The following XPR1 variants were observed in gnomAD, a reference collection of about 807,000 sequenced individuals.
The protein encoded by XPR1 is solute carrier family 53 member 1.
XPR1 carries 28 observed loss-of-function variants against 87.5 expected under a neutral mutation model. The ratio of observed to expected loss-of-function variants is 0.32; its 90% confidence interval spans 0.24 to 0.44. The LOEUF is 0.44. Ranked by LOEUF, XPR1 falls within the 20% of genes least tolerant of loss-of-function variation. XPR1 has a pLI of 1.00. For synonymous variants in XPR1, 300 were observed against 306.1 expected (o/e 0.98, Z 0.21); for missense variants, 559 against 862.3 (o/e 0.65, Z 4.41).
chr1:180,640,893 A>G (rs1352793886), intron 1 of XPR1, among the ~76,000 whole-genome samples: 8 of 152,180 alleles, frequency 5.3e-5, no homozygotes, highest in Admixed American at 5.2e-4. Context: ...TTAGACTTGT[A>G]AGGAACTTTT....
At chr1:180,719,111 G>C (rs1445000136) in intron 2 of XPR1, among the ~76,000 whole-genome samples, 2 of 152,170 alleles carry the variant, frequency 1.3e-5, no homozygotes, top group Non-Finnish European at 2.9e-5. Context: ...AACAGATTTT[G>C]AATGATCTGC....
At chr1:180,737,500 A>G (rs1044483195) in intron 2 of XPR1, among the ~76,000 whole-genome samples, 1 of 152,178 alleles carries the variant, frequency 6.6e-6, no homozygotes, top group African/African-American at 2.4e-5. Flanking sequence ...CTTCTTGTAC[A>G]GTTTTATGAA....
chr1:180,707,645 A>G (rs965979770), intron 2 of XPR1, among the ~76,000 whole-genome samples: 39 of 152,210 alleles, frequency 2.6e-4, no homozygotes, highest in African/African-American at 9.4e-4. Context: ...GTGCTTCCTG[A>G]TTTTAGTTTT....
chr1:180,841,036 T>C (rs1168622026), intron 11 of XPR1, among the ~76,000 whole-genome samples: 1 of 152,192 alleles, frequency 6.6e-6, no homozygotes, highest in African/African-American at 2.4e-5. Flanking sequence ...AAGGCATTAA[T>C]TGGTTCTTAA....
At chr1:180,632,348 G>A in intron 1 of XPR1, 78 bp downstream of exon 1, 6 of 1,512,728 alleles carry the variant, frequency 4.0e-6, no homozygotes, top group Non-Finnish European at 5.4e-6. Flanking sequence ...GCCGCCTTCC[G>A]CTTCAGCTGG....
intron 1 of XPR1, among the ~76,000 whole-genome samples, chr1:180,669,271 C>T (rs186677422): frequency 6.6e-6 from 1 of 152,168 alleles, no homozygotes; most frequent in African/African-American, 2.4e-5. Context: ...ATTGAAGTCT[C>T]CAGCTATTAT....
At chr1:180,668,164 T>A (rs1326513674) in intron 1 of XPR1, among the ~76,000 whole-genome samples, 1 of 148,480 alleles carries the variant, frequency 6.7e-6, no homozygotes, top group Non-Finnish European at 1.5e-5. Flanking sequence ...AGTCTTGCTC[T>A]GTTGCCTAGG....
intron 2 of XPR1, among the ~76,000 whole-genome samples, chr1:180,685,699 C>T (rs1170823182): frequency 3.3e-5 from 5 of 152,128 alleles, no homozygotes; most frequent in African/African-American, 1.2e-4. Context: ...TCAACTTCTT[C>T]ATGGTTTAGT....
intron 4 of XPR1, among the ~76,000 whole-genome samples, chr1:180,804,903 AC>A (rs1649935149): frequency 6.6e-6 from 1 of 152,222 alleles, no homozygotes; most frequent in South Asian, 2.1e-4. Flanking sequence ...TAGCAACATT[AC>A]CATTTTATAG....
chr1:180,835,049 G>A lies in XPR1; in HGVS notation c.1306+4G>A, dbSNP rs377742389. ...CTGTTGCCAAATAATTCAGAAGGTA[G>A]GGTATGAATTTGCATCTATACTACT... On this transcript the variant is annotated splice_donor_region_variant and intron_variant, in intron 10 of 14. Coordinates refer to ENST00000367590, the MANE Select transcript of XPR1 (RefSeq NM_004736.4). 40 of 1,613,340 alleles carry A rather than the reference G, an allele frequency of 2.5e-5. No homozygotes were observed. The African/African-American group carries it at 2.9e-4, about 12-fold the overall frequency.
intron 2 of XPR1, among the ~76,000 whole-genome samples, chr1:180,711,845 A>G (rs368249068): frequency 6.6e-6 from 1 of 152,242 alleles, no homozygotes; most frequent in East Asian, 1.9e-4. Flanking sequence ...TAGGTTTTAC[A>G]TTTAGGTCTG....
At chr1:180,873,964 T>G in intron 13 of XPR1, 22 bp downstream of exon 13, 1 of 1,600,304 alleles carries the variant, frequency 6.2e-7, no homozygotes, top group East Asian at 2.2e-5. Flanking sequence ...ACTGAAAAGT[T>G]TATTAAAGAT....
intron 11 of XPR1, among the ~76,000 whole-genome samples, chr1:180,845,480 TG>T (rs1279921896): frequency 1.3e-5 from 2 of 152,214 alleles, no homozygotes; most frequent in African/African-American, 4.8e-5. Flanking sequence ...AGTCACACAG[TG>T]GACCTGCAAA....
intron 2 of XPR1, among the ~76,000 whole-genome samples, chr1:180,702,447 T>G (rs1017626090): frequency 1.3e-5 from 2 of 151,886 alleles, no homozygotes; most frequent in Non-Finnish European, 2.9e-5. Context: ...TAGATGTCTA[T>G]TAGGTCTGCT....
intron 2 of XPR1, among the ~76,000 whole-genome samples, chr1:180,736,666 G>C (rs1219335357): frequency 6.6e-6 from 1 of 152,090 alleles, no homozygotes; most frequent in Non-Finnish European, 1.5e-5. Flanking sequence ...TGTGTTAAGT[G>C]ACTTTATAAG....
Position 180,776,003 on chromosome 1 carries a change from C to T in XPR1, c.122-11750C>T, listed in dbSNP as rs71630281. Among the ~76,000 whole-genome samples, 1,397 of 152,240 alleles carry T rather than the reference C, an allele frequency of 9.2e-3. 14 individuals carry two copies. The highest frequency in any genetic ancestry group is 0.015 in the Non-Finnish European group (989 of 67,982). On this transcript the variant is annotated intron_variant, in intron 2 of 14. Coordinates refer to ENST00000367590, the MANE Select transcript of XPR1 (RefSeq NM_004736.4). The stretch of plus-strand genomic sequence containing the variant: ...AAGAAAGGCTTGTCTCTTACGCAAT[C>T]TAAATTTTGCTGTGATACGTTGTTG...
chr1:180,874,114 C>T (rs543151957), intron 13 of XPR1, 172 bp downstream of exon 13: 258 of 794,216 alleles, frequency 3.2e-4, no homozygotes, highest in African/African-American at 8.4e-4. Context: ...AGGCTGATCT[C>T]GAACTCTTGA....
intron 11 of XPR1, among the ~76,000 whole-genome samples, chr1:180,847,655 C>T (rs948338013): frequency 6.6e-6 from 1 of 152,126 alleles, no homozygotes; most frequent in Non-Finnish European, 1.5e-5. Context: ...CGTGAAAAAA[C>T]TCACATGCAA....
At chr1:180,846,218 C>T (rs533995529) in intron 11 of XPR1, among the ~76,000 whole-genome samples, 29 of 148,532 alleles carry the variant, frequency 2.0e-4, no homozygotes, top group Admixed American at 1.2e-3. Context: ...GCTGAGATCA[C>T]GCCACTGCGC....
Sources: gnomAD v4.1 joint callset for allele counts (sites outside exome capture counted in the v4.1 genomes callset) on GRCh38, gnomAD v4.1.1 for gene constraint, MANE v1.5 for transcripts, NCBI Gene and HGNC (gene_info 2026-07-23, HGNC 2026-07-21) for gene names.